WDR7: variants seen among roughly 807,000 people sequenced by gnomAD.
The protein encoded by WDR7 is WD repeat-containing protein 7.
Under a neutral mutation model 169.4 loss-of-function variants are expected in WDR7, and 46 were observed. The observed-to-expected ratio is 0.27, with a 90% confidence interval of 0.21 to 0.35. WDR7 has a LOEUF of 0.35. Ranked by LOEUF, WDR7 falls within the 10% of genes least tolerant of loss-of-function variation. WDR7 has a pLI of 1.00. For synonymous variants in WDR7, 612 were observed against 666.8 expected (o/e 0.92, Z 1.27); for missense variants, 1,534 against 1,859.3 (o/e 0.83, Z 3.22).
At chr18:56,720,178 G>A (rs1367067676) in intron 13 of WDR7, among the ~76,000 whole-genome samples, 1 of 152,162 alleles carries the variant, frequency 6.6e-6, no homozygotes, top group African/African-American at 2.4e-5. Context: ...TGGGTGCAGT[G>A]GCTCACACCT....
At chr18:56,698,970 C>T (rs1164213473) in intron 12 of WDR7, among the ~76,000 whole-genome samples, 2 of 152,018 alleles carry the variant, frequency 1.3e-5, no homozygotes, top group African/African-American at 2.4e-5. Context: ...CAACAAACCC[C>T]CATGACACAA....
At chr18:56,687,727 A>G (rs1379863934) in intron 7 of WDR7, among the ~76,000 whole-genome samples, 1 of 152,118 alleles carries the variant, frequency 6.6e-6, no homozygotes, top group Non-Finnish European at 1.5e-5. Flanking sequence ...CCTGGCCTCA[A>G]AGGATCCTCC....
At chr18:56,691,382 T>A (rs755238576) in intron 8 of WDR7, 21 bp downstream of exon 8, 2 of 1,566,758 alleles carry the variant, frequency 1.3e-6, no homozygotes, top group Non-Finnish European at 1.7e-6. Flanking sequence ...AGTAATAAAT[T>A]AGGACAGTCA....
rs550187684 is a variant in WDR7, at chr18:56,702,313, G to T, written c.1578+5851G>T. On this transcript the variant is annotated intron_variant, in intron 12 of 27. Transcript: ENST00000254442. ...TAGCTTTAAAGAGTCTATTGTCCAA[G>T]ATCCAGGCACTTTTTCTTGTATTTC... Among the ~76,000 whole-genome samples the T allele has an allele frequency of 5.9e-5, 9 of 152,192 alleles. No homozygotes were observed. The East Asian group carries it at 1.7e-3, about 29-fold the overall frequency.
chr18:56,816,967 G>A (rs1489556531), intron 20 of WDR7, among the ~76,000 whole-genome samples: 1 of 152,058 alleles, frequency 6.6e-6, no homozygotes, highest in Non-Finnish European at 1.5e-5. Flanking sequence ...TTAGAAAGAA[G>A]TACGCCCAGA....
intron 13 of WDR7, among the ~76,000 whole-genome samples, chr18:56,730,623 G>A (rs902521257): frequency 6.6e-6 from 1 of 151,992 alleles, no homozygotes. Flanking sequence ...AAAATTAGCC[G>A]GGCGTGATGG....
At chr18:56,807,420 T>C (rs1054498317) in intron 19 of WDR7, among the ~76,000 whole-genome samples, 2 of 152,184 alleles carry the variant, frequency 1.3e-5, no homozygotes, top group African/African-American at 4.8e-5. Flanking sequence ...GCTCATATCC[T>C]GCAAATCTCA....
chr18:56,820,634 C>G (rs554943485), intron 20 of WDR7, among the ~76,000 whole-genome samples: 1 of 152,032 alleles, frequency 6.6e-6, no homozygotes, highest in African/African-American at 2.4e-5. Context: ...CCCTCCTCCC[C>G]CTGCCCTCAG....
At chr18:56,824,157 ATG>A (rs1372500361) in intron 20 of WDR7, among the ~76,000 whole-genome samples, 5 of 152,178 alleles carry the variant, frequency 3.3e-5, no homozygotes, top group African/African-American at 1.2e-4. Flanking sequence ...CATACTTTGC[ATG>A]TGCCCCTCCA....
At chr18:56,861,940 T>A (rs1313617094) in intron 20 of WDR7, among the ~76,000 whole-genome samples, 1 of 152,086 alleles carries the variant, frequency 6.6e-6, no homozygotes, top group Non-Finnish European at 1.5e-5. Flanking sequence ...CAGAAAAATT[T>A]CAGTGATTCT....
At chr18:57,001,047 AAGAGAG>A (rs10536689) in intron 26 of WDR7, among the ~76,000 whole-genome samples, 41,123 of 127,964 alleles carry the variant, frequency 0.32, 6,506 homozygotes, top group East Asian at 0.67. Flanking sequence ...ATCTCTACAA[AAGAGAG>A]AGAGAGAGAG....
At chr18:56,860,243 T>A (rs1277107552) in intron 20 of WDR7, among the ~76,000 whole-genome samples, 1 of 152,162 alleles carries the variant, frequency 6.6e-6, no homozygotes, top group East Asian at 1.9e-4. Flanking sequence ...TAAATTCTTA[T>A]AACCATTAAT....
At chr18:56,928,703 T>C (rs1353842294) in intron 22 of WDR7, among the ~76,000 whole-genome samples, 1 of 152,194 alleles carries the variant, frequency 6.6e-6, no homozygotes, top group African/African-American at 2.4e-5. Flanking sequence ...AGATCTCCAA[T>C]GTCCTCAACT....
chr18:57,024,428 G>A (rs540294488), intron 27 of WDR7, among the ~76,000 whole-genome samples: 2 of 152,286 alleles, frequency 1.3e-5, no homozygotes, highest in African/African-American at 2.4e-5. Flanking sequence ...ATTTGAAGAG[G>A]TCATAGGGAA....
intron 14 of WDR7, among the ~76,000 whole-genome samples, chr18:56,738,718 C>T (rs192787274): frequency 4.7e-5 from 7 of 150,074 alleles, no homozygotes; most frequent in Admixed American, 4.0e-4. Flanking sequence ...CAGGAAATTT[C>T]GCCTCCATGA....
At chr18:56,996,744 TC>T (rs1394810492) in intron 26 of WDR7, among the ~76,000 whole-genome samples, 1 of 152,168 alleles carries the variant, frequency 6.6e-6, no homozygotes, top group Admixed American at 6.5e-5. Flanking sequence ...CCTTCAGCTT[TC>T]AATCAGTACA....
intron 13 of WDR7, among the ~76,000 whole-genome samples, chr18:56,727,174 A>G (rs1325371499): frequency 1.3e-5 from 2 of 152,086 alleles, no homozygotes; most frequent in African/African-American, 2.4e-5. Context: ...CCTTACATCT[A>G]TTTTTTTCCC....
chr18:56,994,788 A>T (rs1000803314), intron 26 of WDR7, among the ~76,000 whole-genome samples: 6 of 152,328 alleles, frequency 3.9e-5, no homozygotes, highest in African/African-American at 1.4e-4. Context: ...CAGTCTTTCA[A>T]ACCCACTAAT....
intron 14 of WDR7, among the ~76,000 whole-genome samples, chr18:56,755,089 G>GT (rs2043863778): frequency 6.7e-6 from 1 of 149,778 alleles, no homozygotes; most frequent in Admixed American, 6.6e-5. Flanking sequence ...GGTCTTCATA[G>GT]TTTTTTTCTT....
Sources: allele counts gnomAD v4.1 joint callset (sites outside exome capture counted in the v4.1 genomes callset), GRCh38; gene constraint gnomAD v4.1.1; transcripts MANE v1.5; gene names NCBI Gene and HGNC (gene_info 2026-07-23, HGNC 2026-07-21).